ALPK1: variants seen among roughly 807,000 people sequenced by gnomAD.
ALPK1 encodes the protein alpha kinase 1.
ALPK1 carries 110 observed loss-of-function variants against 120.6 expected under a neutral mutation model. That is an observed-to-expected ratio of 0.91 (90% CI 0.78 to 1.07). ALPK1 has a LOEUF of 1.07. Ranked by LOEUF, ALPK1 falls within the 50% of genes least tolerant of loss-of-function variation. The pLI is 0.00. For synonymous variants in ALPK1, 582 were observed against 560.3 expected (o/e 1.04, Z -0.55); for missense variants, 1,498 against 1,483.9 (o/e 1.01, Z -0.16).
chr4:112,356,882 AC>A, intron 2 of ALPK1: 2 of 745,792 alleles, frequency 2.7e-6, no homozygotes, highest in Non-Finnish European at 5.0e-6. Context: ...CTTTGATGAA[AC>A]TCACAAGGTG....
In ALPK1 at chr4:112,432,775, G is replaced by A. The variant is rs369311756; in HGVS notation, c.3034+194G>A. Among the ~76,000 whole-genome samples the A allele has an allele frequency of 3.3e-5, 5 of 152,304 alleles. No homozygotes were observed. In the East Asian group the frequency reaches 5.8e-4, roughly 18 times the overall value. On this transcript the variant is annotated intron_variant, in intron 11 of 15. Coordinates refer to ENST00000650871, the MANE Select transcript of ALPK1 (RefSeq NM_025144.4). ...GATGGACCTTAATGGTTGTAAAGAAGCTTGCTCAGGCTACCTTGCATGCTG... is the reference window on the plus strand; with the variant it reads ...GATGGACCTTAATGGTTGTAAAGAAACTTGCTCAGGCTACCTTGCATGCTG...
At chr4:112,365,444 C>G (rs1041248820) in intron 2 of ALPK1, among the ~76,000 whole-genome samples, 1 of 152,148 alleles carries the variant, frequency 6.6e-6, no homozygotes. Context: ...ATTGAGAACT[C>G]AAGCCCTTTT....
At chr4:112,382,330 A>G (rs1731956655) in intron 3 of ALPK1, 68 bp from the exon 4 acceptor site, 11 of 1,465,522 alleles carry the variant, frequency 7.5e-6, no homozygotes, top group Non-Finnish European at 1.0e-5. Context: ...GTGCTTCATC[A>G]TAACATTGGT....
At chr4:112,311,118 C>G (rs932199503) in intron 1 of ALPK1, among the ~76,000 whole-genome samples, 5 of 152,150 alleles carry the variant, frequency 3.3e-5, no homozygotes, top group African/African-American at 1.2e-4. Flanking sequence ...CACTTGGAAG[C>G]AGGAGACTTA....
At position 112,339,708 on chromosome 4, in the gene ALPK1, A is replaced by T. The variant is rs188492941; in HGVS notation, c.-101+23856A>T. ...CATCATCTATTGGCAGCTCAGTTGG[A>T]TATAGTCAGCTGAGTTGTCTTTGTC... On this transcript the variant is annotated intron_variant, in intron 2 of 15. Coordinates refer to ENST00000650871, the MANE Select transcript of ALPK1 (RefSeq NM_025144.4). Among the ~76,000 whole-genome samples the T allele has an allele frequency of 5.4e-4, 83 of 152,306 alleles. 1 individual carries two copies. Among genetic ancestry groups the T allele is most frequent in the African/African-American group, 2.0e-3 (82 of 41,566 alleles).
At chr4:112,415,237 C>T (rs769235696) in intron 5 of ALPK1, 6 of 152,156 alleles carry the variant, frequency 3.9e-5, no homozygotes, top group Non-Finnish European at 8.8e-5. Context: ...AATTTCTGGG[C>T]CCCAGGAGAT....
chr4:112,422,266 AG>A (rs1449436003), intron 5 of ALPK1, among the ~76,000 whole-genome samples: 2 of 152,222 alleles, frequency 1.3e-5, no homozygotes, highest in African/African-American at 4.8e-5. Context: ...CTGAAACTGC[AG>A]AAAGGGAAAC....
At chr4:112,399,712 T>C (rs1162723354) in intron 4 of ALPK1, among the ~76,000 whole-genome samples, 1 of 152,160 alleles carries the variant, frequency 6.6e-6, no homozygotes, top group Non-Finnish European at 1.5e-5. Context: ...AAGCCCCACA[T>C]GCATCAGGTA....
At position 112,316,671 on chromosome 4, in the gene ALPK1, G is replaced by A. The variant is rs147686264; in HGVS notation, c.-101+819G>A. Among the ~76,000 whole-genome samples the A allele has an allele frequency of 4.4e-3, 675 of 152,234 alleles. 5 individuals are homozygous for A. The highest frequency in any genetic ancestry group is 0.015 in the African/African-American group (637 of 41,536). On this transcript the variant is annotated intron_variant, in intron 2 of 15. Transcript: ENST00000650871. ...TTTTTTCATGGCAGCCATCTTAATGGGTGTGAGGTAGTGTCTCATTGTGCT... is the reference window on the plus strand; with the variant it reads ...TTTTTTCATGGCAGCCATCTTAATGAGTGTGAGGTAGTGTCTCATTGTGCT...
At chr4:112,328,443 G>T (rs893713731) in intron 2 of ALPK1, among the ~76,000 whole-genome samples, 3 of 152,244 alleles carry the variant, frequency 2.0e-5, no homozygotes, top group African/African-American at 7.2e-5. Context: ...CATGTCCAAA[G>T]TATCCACATC....
At chr4:112,318,920 C>T (rs1268031429) in intron 2 of ALPK1, among the ~76,000 whole-genome samples, 2 of 152,212 alleles carry the variant, frequency 1.3e-5, no homozygotes, top group Non-Finnish European at 2.9e-5. Context: ...AGAAGCGACA[C>T]TAATGGCAGG....
chr4:112,397,306 G>A (rs1732694516), intron 4 of ALPK1, among the ~76,000 whole-genome samples: 1 of 152,146 alleles, frequency 6.6e-6, no homozygotes, highest in Non-Finnish European at 1.5e-5. Flanking sequence ...AATATTATCA[G>A]CTCAATTCTG....
At position 112,308,751 on chromosome 4, in the gene ALPK1, C is replaced by T. The variant is rs146480894; in HGVS notation, c.-152-7050C>T. On this transcript the variant is annotated intron_variant, in intron 1 of 15. Coordinates refer to ENST00000650871, the MANE Select transcript of ALPK1 (RefSeq NM_025144.4). ...CTGAAGCCTTCTTCTCTGAACTCGT[C>T]AAAGTCATTGTCCATCCAGCTTTGT... Among the ~76,000 whole-genome samples, 51 of 152,238 alleles carry T rather than the reference C, an allele frequency of 3.4e-4. 1 individual carries two copies. The East Asian group carries it at 9.1e-3, about 27-fold the overall frequency.
intron 2 of ALPK1, among the ~76,000 whole-genome samples, chr4:112,337,062 T>C (rs987434676): frequency 2.0e-5 from 3 of 152,138 alleles, no homozygotes; most frequent in African/African-American, 7.2e-5. Context: ...CATAATACTG[T>C]TTTTATTCCT....
chr4:112,357,610 G>A, intron 2 of ALPK1: 2 of 1,604,420 alleles, frequency 1.2e-6, no homozygotes, highest in Non-Finnish European at 8.5e-7. Context: ...CCCTTTCCCA[G>A]TCTGCCTGGA....
chr4:112,318,197 C>T (rs951139203), intron 2 of ALPK1, among the ~76,000 whole-genome samples: 1 of 152,174 alleles, frequency 6.6e-6, no homozygotes, highest in African/African-American at 2.4e-5. Flanking sequence ...TTTATTGATT[C>T]TCTATAGTTT....
chr4:112,303,871 G>A (rs1727901194), intron 1 of ALPK1, among the ~76,000 whole-genome samples: 1 of 151,968 alleles, frequency 6.6e-6, no homozygotes, highest in Non-Finnish European at 1.5e-5. Flanking sequence ...TTTACATTAG[G>A]TATATCTCCT....
Position 112,432,424 on chromosome 4 carries a change from T to G in ALPK1, c.2877T>G (p.Val959=). Reference sequence around the variant, plus strand: ...TGAATTCCAGTGGGAGTTCTTGGGTTTCATTGCCGGGAAAGATGAGGAAAG... The same window carrying G: ...TGAATTCCAGTGGGAGTTCTTGGGTGTCATTGCCGGGAAAGATGAGGAAAG... ...SYLNSSGSSW[V]SLPGKMRKEI... is the part of the protein sequence containing the mutation. Residue 959 remains valine, a synonymous_variant, in exon 11 of 16, where the codon GTT becomes GTG. Coordinates refer to ENST00000650871, the MANE Select transcript of ALPK1 (RefSeq NM_025144.4). 1 of 1,614,144 alleles carries G rather than the reference T, an allele frequency of 6.2e-7. No homozygotes were observed. Among genetic ancestry groups the G allele is most frequent in the Non-Finnish European group, 8.5e-7 (1 of 1,180,028 alleles).
intron 1 of ALPK1, among the ~76,000 whole-genome samples, chr4:112,304,219 T>A (rs1727922532): frequency 6.6e-6 from 1 of 152,126 alleles, no homozygotes; most frequent in South Asian, 2.1e-4. Context: ...TACGTGTGCA[T>A]GTGTCTTTAT....
Sources: allele counts gnomAD v4.1 joint callset (sites outside exome capture counted in the v4.1 genomes callset), GRCh38; gene constraint gnomAD v4.1.1; transcripts MANE v1.5; gene names NCBI Gene and HGNC (gene_info 2026-07-23, HGNC 2026-07-21).